EIF3I: variants seen among roughly 807,000 people sequenced by gnomAD.
EIF3I encodes the protein eukaryotic translation initiation factor 3 subunit I, also known as TGF-beta receptor-interacting protein 1.
Under a neutral mutation model 43.3 loss-of-function variants are expected in EIF3I, and 20 were observed. That is an observed-to-expected ratio of 0.46 (90% CI 0.32 to 0.67). EIF3I has a LOEUF of 0.67. Among genes scored for constraint, EIF3I ranks in the 30% least tolerant of loss-of-function variants. The pLI is 0.03. For missense variants in EIF3I, 279 were observed against 421.4 expected (o/e 0.66, Z 2.96); for synonymous variants, 167 against 151.7 (o/e 1.10, Z -0.74).
intron 8 of EIF3I, 47 bp downstream of exon 8, chr1:32,228,863 C>T: frequency 6.7e-7 from 1 of 1,488,140 alleles, no homozygotes; most frequent in Non-Finnish European, 9.3e-7. Context: ...AGGAAGCTTC[C>T]AAGTTCTAGA....
rs1486882635 is a variant in EIF3I, at chr1:32,224,573, G to T, written c.250+98G>T. On this transcript the variant is annotated intron_variant, in intron 4 of 11. Coordinates refer to ENST00000676679, the Ensembl canonical transcript of EIF3I. ...TAGGAAAATAGAGATGAAATCCATA[G>T]ATAGTTTCCAGTCTAGGGAATAAGA... 23 of 858,578 alleles carry T rather than the reference G, an allele frequency of 2.7e-5. 1 individual carries two copies. In the Admixed American group the frequency reaches 3.4e-4, roughly 13 times the overall value. 53.2% of individuals were successfully genotyped at this position (858,578 alleles called of 1,614,324 possible). A position where few individuals can be genotyped will look rare whatever the true frequency, so the allele number is the denominator to read the frequency against.
intron 4 of EIF3I, among the ~76,000 whole-genome samples, chr1:32,225,195 C>T (rs1344470615): frequency 1.3e-5 from 2 of 151,576 alleles, no homozygotes; most frequent in South Asian, 2.1e-4. Flanking sequence ...AGGCTGGTCT[C>T]GAACTCCTCA....
At chr1:32,223,200 C>G (rs1639061932) in intron 2 of EIF3I, among the ~76,000 whole-genome samples, 1 of 152,220 alleles carries the variant, frequency 6.6e-6, no homozygotes, top group Non-Finnish European at 1.5e-5. Context: ...GAGGGTGTCT[C>G]TAGTCTCATT....
chr1:32,228,642 C>T, intron 7 of EIF3I, 33 bp downstream of exon 7: 1 of 1,608,392 alleles, frequency 6.2e-7, no homozygotes, highest in South Asian at 1.1e-5. Context: ...CAGGGCTGCT[C>T]CCTCCCTCCG....
intron 6 of EIF3I, among the ~76,000 whole-genome samples, chr1:32,227,823 G>C (rs941771645): frequency 1.3e-5 from 2 of 152,178 alleles, no homozygotes; most frequent in Non-Finnish European, 2.9e-5. Flanking sequence ...CCACCACTGA[G>C]TATAATGCCC....
At position 32,222,713 on chromosome 1, in the gene EIF3I, C is replaced by T. The variant is rs940507767; in HGVS notation, c.96+83C>T. 5 of 1,409,082 alleles carry T rather than the reference C, an allele frequency of 3.5e-6. No homozygotes were observed. In the African/African-American group the frequency reaches 7.1e-5, roughly 20 times the overall value. The allele number at this position is 1,409,082 out of a possible 1,614,324, so 87.3% of individuals were successfully genotyped here. ...GTGGACACGCCAGTTTTGCCGTTAG[C>T]GGGGAACCAAAGAGCAGCCCATTGT... On this transcript the variant is annotated intron_variant, in intron 2 of 11. Transcript: ENST00000676679.
In EIF3I at chr1:32,231,099, G is replaced by A; in HGVS notation, c.1008-16G>A. 2 of 1,613,586 alleles carry A rather than the reference G, an allele frequency of 1.2e-6. No individual in the cohort carries two copies. Among genetic ancestry groups the A allele is most frequent in the Non-Finnish European group, 1.7e-6 (2 of 1,179,526 alleles). ...CAGAGTAAGCACCTGACTGGTGCCT[G>A]GCTATCTTTTTCCAGCTACAGCAGC... On this transcript the variant is annotated splice_polypyrimidine_tract_variant and intron_variant, in intron 11 of 11. Transcript: ENST00000676679.
intron 6 of EIF3I, 119 bp from the exon 7 acceptor site, chr1:32,228,380 G>A (rs993471284): frequency 4.0e-6 from 3 of 750,234 alleles, no homozygotes; most frequent in Admixed American, 4.1e-5. Flanking sequence ...TAGGATAGAG[G>A]GGGTGAGGAA....
chr1:32,223,943 C>A, intron 2 of EIF3I, 91 bp from the exon 3 acceptor site: 1 of 1,149,968 alleles, frequency 8.7e-7, no homozygotes, highest in Non-Finnish European at 1.3e-6. Flanking sequence ...CAGAATCAGC[C>A]TTGCTACAGG....
exon 12 of EIF3I, chr1:32,231,266 G>A (rs564020023): frequency 2.7e-5 from 39 of 1,424,834 alleles, no homozygotes; most frequent in Middle Eastern, 2.3e-4. Flanking sequence ...TAAGGCAGGC[G>A]GATCACCTGA....
downstream of EIF3I, among the ~76,000 whole-genome samples, chr1:32,232,585 G>A (rs904061919): frequency 6.6e-6 from 1 of 152,200 alleles, no homozygotes; most frequent in African/African-American, 2.4e-5. Context: ...GATAGGTCTG[G>A]ACCCAGGAGC....
At chr1:32,233,795 T>C (rs571682901), downstream of EIF3I, among the ~76,000 whole-genome samples, 24 of 152,328 alleles carry the variant, frequency 1.6e-4, no homozygotes, top group East Asian at 4.6e-3. Context: ...GCAGCAAATT[T>C]CCCCTTTAAT....
chr1:32,228,912 A>G (rs1293873589), intron 8 of EIF3I, 96 bp downstream of exon 8: 2 of 1,189,882 alleles, frequency 1.7e-6, no homozygotes, highest in African/African-American at 3.0e-5. Context: ...TGTGGGGGAA[A>G]TGATGTCAGG....
intron 4 of EIF3I, among the ~76,000 whole-genome samples, chr1:32,225,965 G>A (rs907148512): frequency 4.6e-5 from 7 of 151,902 alleles, no homozygotes; most frequent in African/African-American, 1.7e-4. Context: ...AGCTTGCAGT[G>A]AGAGCCGAGA....
intron 4 of EIF3I, 141 bp from the exon 5 acceptor site, chr1:32,226,027 GAAA>G: frequency 9.8e-6 from 9 of 922,774 alleles, no homozygotes; most frequent in Non-Finnish European, 1.3e-5. Context: ...TCTCAAAAAA[GAAA>G]AAAAAAAAGA....
At chr1:32,225,717 G>A (rs934402478) in intron 4 of EIF3I, among the ~76,000 whole-genome samples, 9 of 145,700 alleles carry the variant, frequency 6.2e-5, no homozygotes, top group Non-Finnish European at 9.0e-5. Context: ...GGACAAGAGC[G>A]AAACTCCATC....
rs759675963 is a variant in EIF3I at position 32,222,518 on chromosome 1, T to G, written c.4-20T>G. 1 of 1,614,074 alleles carries G rather than the reference T, an allele frequency of 6.2e-7. No homozygotes were observed. The highest frequency in any genetic ancestry group is 8.5e-7 in the Non-Finnish European group (1 of 1,179,942). ...TGGGGCCCAATTCCGAGCACTGACGTTACTGTCTTGTCCCCACAGAAGCCG... is the reference window on the plus strand; with the variant it reads ...TGGGGCCCAATTCCGAGCACTGACGGTACTGTCTTGTCCCCACAGAAGCCG... On this transcript the variant is annotated intron_variant, in intron 1 of 11. Coordinates refer to ENST00000676679, the Ensembl canonical transcript of EIF3I.
At position 32,223,937 on chromosome 1, in the gene EIF3I, A is replaced by T. The variant is rs898113699; in HGVS notation, c.97-97A>T. ...CAAGAAATAAACAGAAGAGGGCAGA[A>T]TCAGCCTTGCTACAGGCTGCTGAGG... On this transcript the variant is annotated intron_variant, in intron 2 of 11. Transcript: ENST00000676679. 10 of 1,057,004 alleles carry T rather than the reference A, an allele frequency of 9.5e-6. No individual in the cohort carries two copies. The African/African-American group carries it at 1.6e-4, about 16-fold the overall frequency. The allele number at this position is 1,057,004 out of a possible 1,614,324, so 65.5% of individuals were successfully genotyped here. A position where few individuals can be genotyped will look rare whatever the true frequency, so the allele number is the denominator to read the frequency against.
chr1:32,224,856 G>C (rs928201758), intron 4 of EIF3I, among the ~76,000 whole-genome samples: 28 of 151,474 alleles, frequency 1.8e-4, no homozygotes, highest in African/African-American at 6.5e-4. Flanking sequence ...TTTTGAGACA[G>C]ATTCTCTCGC....
Sources: allele counts gnomAD v4.1 joint callset (sites outside exome capture counted in the v4.1 genomes callset), GRCh38; gene constraint gnomAD v4.1.1; transcripts MANE v1.5; gene names NCBI Gene and HGNC (gene_info 2026-07-23, HGNC 2026-07-21).